The following GABRB1 variants were observed in gnomAD, a reference collection of about 807,000 sequenced individuals.
GABRB1 encodes the protein gamma-aminobutyric acid type A receptor subunit beta1, also known as gamma-aminobutyric acid receptor subunit beta-1.
A neutral mutation model predicts 51.6 loss-of-function variants in GABRB1; 17 were observed. That is an observed-to-expected ratio of 0.33 (90% CI 0.23 to 0.49). The LOEUF (loss-of-function observed/expected upper bound fraction) is 0.49, where lower values mean the gene tolerates loss of function less well. GABRB1 is among the 20% of genes least tolerant of loss of function. GABRB1 has a pLI of 0.99. For missense variants in GABRB1, 410 were observed against 600.6 expected, an observed-to-expected ratio of 0.68 and a Z score of 3.32; for synonymous variants, 247 against 218.9, an observed-to-expected ratio of 1.13 and a Z score of -1.14.
At chr4:47,114,040 T>C (rs564345605) in intron 3 of GABRB1, among the ~76,000 whole-genome samples, 2 of 152,316 alleles carry the variant, frequency 1.3e-5, no homozygotes, top group Admixed American at 1.3e-4. Flanking sequence ...GTGGTTAGGG[T>C]TGTCTGACCA....
At chr4:47,336,437 G>C (rs759574162) in intron 5 of GABRB1, among the ~76,000 whole-genome samples, 65 of 152,166 alleles carry the variant, frequency 4.3e-4, no homozygotes, top group South Asian at 8.3e-4. Flanking sequence ...AACTCTATCA[G>C]TAGGTGCCAC....
chr4:47,071,141 G>A (rs1386153981), intron 3 of GABRB1, among the ~76,000 whole-genome samples: 1 of 152,104 alleles, frequency 6.6e-6, no homozygotes, highest in East Asian at 1.9e-4. Context: ...AGACCCATCA[G>A]GAACTTCTAA....
At chr4:47,339,850 CA>C (rs1560340910) in intron 5 of GABRB1, among the ~76,000 whole-genome samples, 2 of 151,902 alleles carry the variant, frequency 1.3e-5, no homozygotes, top group African/African-American at 4.8e-5. Flanking sequence ...CACACACACA[CA>C]CACACCCCAC....
intron 1 of GABRB1, among the ~76,000 whole-genome samples, chr4:47,003,906 C>A (rs1353412355): frequency 6.6e-6 from 1 of 152,198 alleles, no homozygotes; most frequent in Non-Finnish European, 1.5e-5. Context: ...TCAGCCCACA[C>A]ATATTTACAG....
At chr4:47,176,665 C>T (rs1718715616) in intron 4 of GABRB1, among the ~76,000 whole-genome samples, 2 of 151,782 alleles carry the variant, frequency 1.3e-5, no homozygotes, top group Non-Finnish European at 2.9e-5. Context: ...AGGAAGAGAG[C>T]ATAGATAAAA....
chr4:47,137,136 C>T (rs1051775231), intron 3 of GABRB1, among the ~76,000 whole-genome samples: 3 of 152,060 alleles, frequency 2.0e-5, no homozygotes, highest in African/African-American at 7.2e-5. Flanking sequence ...ATTGATAAAT[C>T]ATCCCTAACT....
chr4:47,207,197 T>C (rs149013752), intron 4 of GABRB1, among the ~76,000 whole-genome samples: 15 of 152,106 alleles, frequency 9.9e-5, no homozygotes, highest in African/African-American at 3.4e-4. Context: ...TAAGGTTAGC[T>C]CATTTATCTC....
At chr4:47,007,866 G>GTTATATATATATATATATATATA (rs1476319173) in intron 1 of GABRB1, among the ~76,000 whole-genome samples, 5 of 49,980 alleles carry the variant, frequency 1.0e-4, no homozygotes, top group African/African-American at 3.2e-4. Context: ...CTTGGAACTG[G>GTTATATATATATATATATATATA]TATATATATA....
chr4:47,181,893 CA>C (rs1213389999), intron 4 of GABRB1, among the ~76,000 whole-genome samples: 1 of 152,000 alleles, frequency 6.6e-6, no homozygotes. Flanking sequence ...GATTCAGCCC[CA>C]AACTTCTAGC....
intron 4 of GABRB1, among the ~76,000 whole-genome samples, chr4:47,187,589 C>T (rs1200499392): frequency 6.6e-6 from 1 of 151,794 alleles, no homozygotes; most frequent in Non-Finnish European, 1.5e-5. Context: ...TATGGATCCT[C>T]CCATGCCGAC....
chr4:47,253,214 G>T (rs916552333), intron 4 of GABRB1, among the ~76,000 whole-genome samples: 1 of 152,204 alleles, frequency 6.6e-6, no homozygotes, highest in African/African-American at 2.4e-5. Context: ...AAGACTGAAA[G>T]ATAATGTGAT....
At chr4:47,422,834 G>A (rs900024264) in intron 8 of GABRB1, among the ~76,000 whole-genome samples, 6 of 151,944 alleles carry the variant, frequency 3.9e-5, no homozygotes, top group African/African-American at 7.3e-5. Flanking sequence ...ACCCCATTTC[G>A]CCGATGACAA....
intron 3 of GABRB1, among the ~76,000 whole-genome samples, chr4:47,070,996 C>A (rs983805841): frequency 6.6e-6 from 1 of 152,110 alleles, no homozygotes; most frequent in African/African-American, 2.4e-5. Context: ...TATTCCCAGC[C>A]GCTACTGTGA....
intron 3 of GABRB1, among the ~76,000 whole-genome samples, chr4:47,033,881 A>G (rs1725443177): frequency 6.6e-6 from 1 of 152,166 alleles, no homozygotes; most frequent in Admixed American, 6.5e-5. Flanking sequence ...TACACAATGA[A>G]TATTTCTCAT....
intron 4 of GABRB1, among the ~76,000 whole-genome samples, chr4:47,251,048 T>C (rs1721968481): frequency 6.6e-6 from 1 of 152,118 alleles, no homozygotes; most frequent in Non-Finnish European, 1.5e-5. Flanking sequence ...CCAGAGCTGG[T>C]TTTCTGGTTC....
intron 5 of GABRB1, among the ~76,000 whole-genome samples, chr4:47,379,518 G>A (rs1727521202): frequency 6.6e-6 from 1 of 152,096 alleles, no homozygotes. Context: ...CTGTTTGGTA[G>A]GTTAGGTGTA....
chr4:47,344,794 C>T (rs1236977855), intron 5 of GABRB1, among the ~76,000 whole-genome samples: 1 of 152,126 alleles, frequency 6.6e-6, no homozygotes, highest in Non-Finnish European at 1.5e-5. Flanking sequence ...ACAGTCTCAG[C>T]TCACTCTAAC....
intron 3 of GABRB1, among the ~76,000 whole-genome samples, chr4:47,069,726 G>A (rs1727235997): frequency 6.6e-6 from 1 of 152,022 alleles, no homozygotes; most frequent in Admixed American, 6.6e-5. Flanking sequence ...TAGGTTAAGT[G>A]GAAATCTCTC....
chr4:47,349,614 G>A (rs548884722), intron 5 of GABRB1, among the ~76,000 whole-genome samples: 15 of 152,162 alleles, frequency 9.9e-5, no homozygotes, highest in Admixed American at 8.5e-4. Context: ...GTGGATCCAC[G>A]CCGTATACAC....
Sources: gnomAD v4.1 joint callset for allele counts (sites outside exome capture counted in the v4.1 genomes callset) on GRCh38, gnomAD v4.1.1 for gene constraint, MANE v1.5 for transcripts, NCBI Gene and HGNC (gene_info 2026-07-23, HGNC 2026-07-21) for gene names.